The following NFKBIL1 variants were observed in gnomAD, a reference collection of about 807,000 sequenced individuals.
NFKBIL1 encodes NF-kappa-B inhibitor-like protein 1.
In NFKBIL1, 30 loss-of-function variants were observed where a neutral mutation model predicts 45.4. The observed-to-expected ratio is 0.66, with a 90% CI of 0.49 to 0.90. NFKBIL1 has a LOEUF of 0.90. Among genes scored for constraint, NFKBIL1 ranks in the 40% least tolerant of loss-of-function variants. NFKBIL1 has a pLI of 0.00. For synonymous variants in NFKBIL1, 179 were observed against 197.3 expected (o/e 0.91, Z 0.78); for missense variants, 434 against 513.4 (o/e 0.85, Z 1.49).
At chr6:31,555,824 T>G (rs1361017905) in intron 2 of NFKBIL1, among the ~76,000 whole-genome samples, 1 of 149,642 alleles carries the variant, frequency 6.7e-6, no homozygotes, top group Non-Finnish European at 1.5e-5. Flanking sequence ...ATATTTTGTT[T>G]GTTTGTTTTA....
At chr6:31,552,963 C>A (rs1416192573) in intron 2 of NFKBIL1, among the ~76,000 whole-genome samples, 1 of 151,148 alleles carries the variant, frequency 6.6e-6, no homozygotes, top group East Asian at 1.9e-4. Context: ...CTCGGCCTCC[C>A]AAAATGCTGG....
rs777359918 is a variant in NFKBIL1, at chr6:31,558,262, A to G, written c.797A>G (p.Gln266Arg). Reference sequence around the variant, plus strand: ...CGTGAGAGCCGAGCCAGGAGGGCGCAGGAGGCTCTAGGGGACCGAGAACCC... The same window carrying G: ...CGTGAGAGCCGAGCCAGGAGGGCGCGGGAGGCTCTAGGGGACCGAGAACCC... ...ELRESRARRAQEALGDREPKP... is the reference protein window; with the variant it reads ...ELRESRARRAREALGDREPKP... The change falls in exon 4 of 4, where the codon CAG (glutamine) becomes CGG (arginine). Residue 266 changes from glutamine to arginine, a missense_variant. Gln to Arg is a conservative substitution (Grantham distance 43). Around this residue, in one of 4 missense-constraint regions of NFKBIL1, gnomAD observed 128 missense variants for 106.5 expected, o/e 1.20. Coordinates refer to ENST00000376148, the MANE Select transcript of NFKBIL1 (RefSeq NM_005007.4). The surrounding 1 kb of genome is among the most constrained non-coding windows in gnomAD (Gnocchi z 7.2). 1.8e-5 allele frequency: 29 copies of G among 1,590,640 alleles called. 1 individual carries two copies. The South Asian group carries it at 2.2e-4, about 12-fold the overall frequency.
At chr6:31,556,697 G>A (rs1769758391) in intron 2 of NFKBIL1, 1 of 457,106 alleles carries the variant, frequency 2.2e-6, no homozygotes, top group Non-Finnish European at 4.4e-6. Context: ...CCTGCCCTAG[G>A]TCAGCAGTCA....
At chr6:31,553,687 A>C (rs1769564424) in intron 2 of NFKBIL1, among the ~76,000 whole-genome samples, 1 of 152,120 alleles carries the variant, frequency 6.6e-6, no homozygotes, top group Non-Finnish European at 1.5e-5. Flanking sequence ...TTGTTGAGAC[A>C]GAGTCTCACT....
intron 2 of NFKBIL1, among the ~76,000 whole-genome samples, chr6:31,556,227 G>GC (rs3838684): frequency 4.6e-4 from 69 of 150,678 alleles, no homozygotes; most frequent in African/African-American, 1.1e-3. Flanking sequence ...AGGGAGAAGT[G>GC]CCCCCCCCCA....
At chr6:31,552,234 A>G (rs1444334578) in intron 2 of NFKBIL1, among the ~76,000 whole-genome samples, 1 of 151,098 alleles carries the variant, frequency 6.6e-6, no homozygotes, top group African/African-American at 2.4e-5. Flanking sequence ...TGCCCATCCC[A>G]CAGAATGTCT....
rs1171309189 is a variant in NFKBIL1, at chr6:31,547,731, G to C, written c.37G>C (p.Ala13Pro). The C allele has an allele frequency of 3.1e-6, 5 of 1,612,074 alleles. No individual in the cohort carries two copies. The Admixed American group carries it at 8.3e-5, about 27-fold the overall frequency. The change falls in exon 1 of 4, where the codon GCC becomes CCC. Residue 13 changes from alanine to proline, a missense_variant. Ala to Pro is a conservative substitution (Grantham distance 27). Around this residue, in one of 4 missense-constraint regions of NFKBIL1, gnomAD observed 231 missense variants for 264.1 expected, o/e 0.87. Coordinates refer to ENST00000376148, the MANE Select transcript of NFKBIL1 (RefSeq NM_005007.4). ...NPSPQVPEEE[A>P]STSVCRPKSS... is the part of the protein sequence containing the mutation. ...CTCCCCCCAGGTTCCAGAGGAAGAA[G>C]CCTCCACATCTGTCTGCCGGGTACA...
chr6:31,553,124 C>T (rs1475375334), intron 2 of NFKBIL1, among the ~76,000 whole-genome samples: 1 of 150,780 alleles, frequency 6.6e-6, no homozygotes, highest in Non-Finnish European at 1.5e-5. Flanking sequence ...TTGCTACAAC[C>T]TCCGCCTCCC....
chr6:31,557,596 C>T lies in NFKBIL1; in HGVS notation c.335-32C>T. 1 of 1,462,778 alleles carries T rather than the reference C, an allele frequency of 6.8e-7. No homozygotes were observed. The highest frequency in any genetic ancestry group is 9.1e-7 in the Non-Finnish European group (1 of 1,099,820). The allele number at this position is 1,462,778 out of a possible 1,614,324, so 90.6% of individuals were successfully genotyped here. A position where few individuals can be genotyped will look rare whatever the true frequency, so the allele number is the denominator to read the frequency against. On this transcript the variant is annotated intron_variant, in intron 2 of 3. Coordinates refer to ENST00000376148, the MANE Select transcript of NFKBIL1 (RefSeq NM_005007.4). This position sits in a 1 kb window ranked among gnomAD's most constrained non-coding sequence, Gnocchi z 5.4. Reference sequence around the variant, plus strand: ...CTCTGCCGAGGAGTGGGAGTCCCAGCTAACTTCTGCTCCCTGCTCTCCCAC... The same window carrying T: ...CTCTGCCGAGGAGTGGGAGTCCCAGTTAACTTCTGCTCCCTGCTCTCCCAC...
chr6:31,557,999 C>T lies in NFKBIL1; in HGVS notation c.557-23C>T, dbSNP rs765294064. 4.0e-6 allele frequency: 6 copies of T among 1,490,176 alleles called. No individual in the cohort carries two copies. The highest frequency in any genetic ancestry group is 1.4e-5 in the African/African-American group (1 of 73,048). 92.3% of individuals were successfully genotyped at this position (1,490,176 alleles called of 1,614,324 possible). ...CTTCTCACAGCCTCTCTCCAACTAC[C>T]CCCATCCCACCCTCCCAAACAGGTG... On this transcript the variant is annotated intron_variant, in intron 3 of 3. Transcript: ENST00000376148. The surrounding 1 kb of genome is among the most constrained non-coding windows in gnomAD (Gnocchi z 5.4).
Position 31,547,757 on chromosome 6 carries a change from T to C in NFKBIL1, c.57+6T>C. 1 of 1,604,748 alleles carries C rather than the reference T, an allele frequency of 6.2e-7. No individual in the cohort carries two copies. The highest frequency in any genetic ancestry group is 8.5e-7 in the Non-Finnish European group (1 of 1,172,920). On this transcript the variant is annotated splice_donor_region_variant and intron_variant, in intron 1 of 3. Coordinates refer to ENST00000376148, the MANE Select transcript of NFKBIL1 (RefSeq NM_005007.4). ...CCTCCACATCTGTCTGCCGGGTACA[T>C]GATATTCAATTTCTAGATCATTATT...
chr6:31,557,291 G>A lies in NFKBIL1; in HGVS notation c.335-337G>A, dbSNP rs1769797897. Reference sequence around the variant, plus strand: ...CCTGGCTAATTTTTTGTATTTTTTAGTAGAGATGGGATTTCACCATGTTAG... The same window carrying A: ...CCTGGCTAATTTTTTGTATTTTTTAATAGAGATGGGATTTCACCATGTTAG... On this transcript the variant is annotated intron_variant, in intron 2 of 3. Coordinates refer to ENST00000376148, the MANE Select transcript of NFKBIL1 (RefSeq NM_005007.4). The surrounding 1 kb of genome is among the most constrained non-coding windows in gnomAD (Gnocchi z 5.4). Among the ~76,000 whole-genome samples, 1 of 152,052 alleles carries A rather than the reference G, an allele frequency of 6.6e-6. No homozygotes were observed.
Position 31,558,764 on chromosome 6 carries a change from G to A in NFKBIL1, c.*153G>A. The A allele has an allele frequency of 1.6e-6, 1 of 637,850 alleles. No individual in the cohort carries two copies. The highest frequency in any genetic ancestry group is 2.6e-6 in the Non-Finnish European group (1 of 380,994). 39.5% of individuals were successfully genotyped at this position (637,850 alleles called of 1,614,324 possible). A position where few individuals can be genotyped will look rare whatever the true frequency, so the allele number is the denominator to read the frequency against. ...AAAGTTGTAACAAGTGGGGGTGGGGGGTGCGGGCCGCCACCACTGCTCCTT... is the reference window on the plus strand; with the variant it reads ...AAAGTTGTAACAAGTGGGGGTGGGGAGTGCGGGCCGCCACCACTGCTCCTT... On this transcript the variant is annotated 3_prime_UTR_variant, in exon 4 of 4. Coordinates refer to ENST00000376148, the MANE Select transcript of NFKBIL1 (RefSeq NM_005007.4). This position sits in a 1 kb window ranked among gnomAD's most constrained non-coding sequence, Gnocchi z 7.2.
At position 31,558,175 on chromosome 6, in the gene NFKBIL1, G is replaced by C; in HGVS notation, c.710G>C (p.Arg237Pro). 1.2e-6 allele frequency: 2 copies of C among 1,609,898 alleles called. No homozygotes were observed. Among genetic ancestry groups the C allele is most frequent in the Non-Finnish European group, 1.7e-6 (2 of 1,178,704 alleles). Residue 237 changes from arginine to proline, a missense_variant, in exon 4 of 4, where the codon CGA (arginine) becomes CCA (proline). Coordinates refer to ENST00000376148, the MANE Select transcript of NFKBIL1 (RefSeq NM_005007.4). This position sits in a 1 kb window ranked among gnomAD's most constrained non-coding sequence, Gnocchi z 7.2. ...PRAEGSSQSWRQQEEEQRLFR... is the reference protein window; with the variant it reads ...PRAEGSSQSWPQQEEEQRLFR... The stretch of plus-strand genomic sequence containing the variant: ...GCTGAGGGCTCCAGCCAGAGCTGGC[G>C]ACAGCAGGAGGAGGAGCAGCGGCTC...
chr6:31,547,679 G>C lies in NFKBIL1; in HGVS notation c.-16G>C. On this transcript the variant is annotated 5_prime_UTR_variant, in exon 1 of 4. Coordinates refer to ENST00000376148, the MANE Select transcript of NFKBIL1 (RefSeq NM_005007.4). ...CTACGGCTCTGGGGGTACTTGGGGGGGCGGGGGCAGGTCTGATGAGTAACC... is the reference window on the plus strand; with the variant it reads ...CTACGGCTCTGGGGGTACTTGGGGGCGCGGGGGCAGGTCTGATGAGTAACC... The C allele has an allele frequency of 1.2e-6, 2 of 1,601,658 alleles. No homozygotes were observed. Among genetic ancestry groups the C allele is most frequent in the Non-Finnish European group, 1.7e-6 (2 of 1,171,734 alleles).
upstream of NFKBIL1, among the ~76,000 whole-genome samples, chr6:31,547,301 C>G (rs3219185): frequency 9.2e-3 from 1,395 of 151,650 alleles, 14 homozygotes; most frequent in African/African-American, 0.026. Context: ...TTTTCTCTGT[C>G]TTCTCATCTT....
At chr6:31,550,915 G>A (rs1379347026) in intron 2 of NFKBIL1, among the ~76,000 whole-genome samples, 3 of 152,168 alleles carry the variant, frequency 2.0e-5, no homozygotes, top group Non-Finnish European at 2.9e-5. Flanking sequence ...TCAAACTCCC[G>A]ACCTCAGGTG....
In NFKBIL1 at chr6:31,547,658, G is replaced by A. The variant is rs750475492; in HGVS notation, c.-37G>A. Reference sequence around the variant, plus strand: ...TCTTAAACACAGGCCTTGGGCCTACGGCTCTGGGGGTACTTGGGGGGGCGG... The same window carrying A: ...TCTTAAACACAGGCCTTGGGCCTACAGCTCTGGGGGTACTTGGGGGGGCGG... On this transcript the variant is annotated 5_prime_UTR_variant, in exon 1 of 4. Coordinates refer to ENST00000376148, the MANE Select transcript of NFKBIL1 (RefSeq NM_005007.4). 3.2e-6 allele frequency: 5 copies of A among 1,541,044 alleles called. No individual in the cohort carries two copies. The highest frequency in any genetic ancestry group is 2.3e-5 in the South Asian group (2 of 87,484).
intron 2 of NFKBIL1, among the ~76,000 whole-genome samples, chr6:31,555,034 A>T (rs1212161190): frequency 1.3e-5 from 2 of 152,186 alleles, no homozygotes; most frequent in Non-Finnish European, 2.9e-5. Context: ...GCTTTTAGGT[A>T]CACCAAGGTG....
Sources: allele counts gnomAD v4.1 joint callset (sites outside exome capture counted in the v4.1 genomes callset), GRCh38; gene constraint gnomAD v4.1.1; regional missense constraint gnomAD v4.1.1; non-coding constraint Gnocchi (gnomAD v3.1); transcripts MANE v1.5; gene names NCBI Gene and HGNC (gene_info 2026-07-23, HGNC 2026-07-21).